The following ZNF34 variants were observed in gnomAD, a reference collection of about 807,000 sequenced individuals.
The protein encoded by ZNF34 is zinc finger protein 34 (KOX 32).
In ZNF34, 8 loss-of-function variants were observed where a neutral mutation model predicts 14.4. The observed-to-expected ratio is 0.55, with a 90% confidence interval of 0.33 to 1.00. ZNF34 has a LOEUF of 1.00. ZNF34 is among the 50% of genes least tolerant of loss of function. The pLI is 0.03. For missense variants in ZNF34, 538 were observed against 674.2 expected, an observed-to-expected ratio of 0.80 and a Z score of 2.24; for synonymous variants, 235 against 247.9, an observed-to-expected ratio of 0.95 and a Z score of 0.49.
In ZNF34 at chr8:144,778,439, C is replaced by A. The variant is rs1825665162; in HGVS notation, c.33G>T (p.Gln11His). The A allele has an allele frequency of 6.4e-7, 1 of 1,572,240 alleles. No individual in the cohort carries two copies. The highest frequency in any genetic ancestry group is 8.6e-7 in the Non-Finnish European group (1 of 1,160,014). Residue 11 changes from glutamine (Q) to histidine (H), a missense_variant and splice_region_variant, in exon 3 of 6, where the codon CAG (glutamine) becomes CAT (histidine). By Grantham distance (24) the Gln-to-His change is conservative (BLOSUM62 0). Transcript: ENST00000429371. ...TCCTCCCAGGAGGACAGACACTCAC[C>A]TGGGGTGGGGCAGACAGGAACAAGG... is the stretch of plus-strand genomic sequence containing the variant. MAALFLSAPP[Q>H]AEVTFEDVAV... is the part of the protein sequence containing the mutation.
intron 1 of ZNF34, among the ~76,000 whole-genome samples, chr8:144,781,353 C>G (rs943061015): frequency 1.1e-4 from 17 of 150,690 alleles, no homozygotes; most frequent in Admixed American, 2.0e-4. Flanking sequence ...ACTGCAAGCT[C>G]TGCCTCCCGG....
chr8:144,775,735 T>C (rs1243607604), intron 5 of ZNF34, among the ~76,000 whole-genome samples: 1 of 152,240 alleles, frequency 6.6e-6, no homozygotes, highest in African/African-American at 2.4e-5. Context: ...GGAAACAGTC[T>C]GTATTTTAAT....
intron 1 of ZNF34, among the ~76,000 whole-genome samples, chr8:144,781,592 TC>T (rs1034003208): frequency 6.6e-6 from 1 of 151,644 alleles, no homozygotes; most frequent in Non-Finnish European, 1.5e-5. Flanking sequence ...AACAAGTGGG[TC>T]AAGTAAACAA....
At chr8:144,774,930 CCA>C (rs1376771895) in intron 5 of ZNF34, among the ~76,000 whole-genome samples, 1 of 152,210 alleles carries the variant, frequency 6.6e-6, no homozygotes, top group Non-Finnish European at 1.5e-5. Context: ...ATACCAGCAG[CCA>C]CAGTCAGGAT....
intron 1 of ZNF34, among the ~76,000 whole-genome samples, chr8:144,781,841 G>A (rs1825906643): frequency 6.6e-6 from 1 of 152,164 alleles, no homozygotes; most frequent in Non-Finnish European, 1.5e-5. Context: ...AGAAAATTGT[G>A]CATCCTTAAT....
intron 5 of ZNF34, among the ~76,000 whole-genome samples, chr8:144,774,935 G>A (rs1331502629): frequency 6.6e-6 from 1 of 152,222 alleles, no homozygotes; most frequent in Non-Finnish European, 1.5e-5. Flanking sequence ...AGCAGCCACA[G>A]TCAGGATTGA....
At position 144,778,131 on chromosome 8, in the gene ZNF34, G is replaced by A. The variant is rs538750561; in HGVS notation, c.67C>T (p.Leu23Phe). 12 of 1,613,842 alleles carry A rather than the reference G, an allele frequency of 7.4e-6. No homozygotes were observed. Among genetic ancestry groups the A allele is most frequent in the South Asian group, 4.4e-5 (4 of 91,078 alleles). ...EVTFEDVAVY[L>F]SREEWGRLGP... ...AGGCGGCCCCATTCCTCCCGGGAGAGGTACACAGCCACGTCCTCGAAGGTC... is the reference window on the plus strand; with the variant it reads ...AGGCGGCCCCATTCCTCCCGGGAGAAGTACACAGCCACGTCCTCGAAGGTC... The change falls in exon 4 of 6, where the codon CTC becomes TTC. Residue 23 changes from leucine to phenylalanine, a missense_variant. Around this residue, in one of 3 missense-constraint regions of ZNF34, gnomAD observed 431 missense variants for 525.7 expected, o/e 0.82. Coordinates refer to ENST00000429371, the MANE Select transcript of ZNF34 (RefSeq NM_001286769.2).
intron 5 of ZNF34, among the ~76,000 whole-genome samples, chr8:144,776,030 A>C (rs1238539315): frequency 6.6e-6 from 1 of 152,234 alleles, no homozygotes; most frequent in Admixed American, 6.5e-5. Flanking sequence ...TCTGTTAAGA[A>C]GCAGTGTCAG....
rs750323793 is a variant in ZNF34 at position 144,773,805 on chromosome 8, G to A, written c.1081C>T (p.Arg361Cys). ...GGCTTCTCTCCGGTGTGAGTCCGACGATGTCGGATAAGGATTGAGCCATCA... is the reference window on the plus strand; with the variant it reads ...GGCTTCTCTCCGGTGTGAGTCCGACAATGTCGGATAAGGATTGAGCCATCA... ...FSDGSILIRH[R>C]RTHTGEKPFE... Residue 361 changes from arginine (R) to cysteine (C), a missense_variant, in exon 6 of 6, where the codon CGT becomes TGT. By Grantham distance (180) the Arg-to-Cys change is radical. Transcript: ENST00000429371. This position sits in a 1 kb window ranked among gnomAD's most constrained non-coding sequence, Gnocchi z 5.4. 58 of 1,614,008 alleles carry A rather than the reference G, an allele frequency of 3.6e-5. No individual in the cohort carries two copies. Among genetic ancestry groups the A allele is most frequent in the Admixed American group, 1.3e-4 (8 of 60,004 alleles).
chr8:144,783,271 G>C (rs1173515409), intron 1 of ZNF34, among the ~76,000 whole-genome samples: 1 of 152,190 alleles, frequency 6.6e-6, no homozygotes, highest in Non-Finnish European at 1.5e-5. Context: ...ATTCAAGTTT[G>C]TGTTCGCAAC....
intron 1 of ZNF34, among the ~76,000 whole-genome samples, chr8:144,781,975 CAGG>C (rs1211628838): frequency 6.6e-6 from 1 of 151,626 alleles, no homozygotes; most frequent in East Asian, 1.9e-4. Context: ...CACTTGAGGT[CAGG>C]AGTTCGAGAC....
chr8:144,785,878 A>G (rs1563795142), intron 1 of ZNF34, among the ~76,000 whole-genome samples: 1 of 152,176 alleles, frequency 6.6e-6, no homozygotes, highest in African/African-American at 2.4e-5. Context: ...GTCCATCAGC[A>G]AAGTCAGAGT....
Position 144,777,358 on chromosome 8 carries a change from G to T in ZNF34, c.280+100C>A, listed in dbSNP as rs935778427. ...TCAGGCCTCCTGTGCTAGCCCCGAT[G>T]AATCTGGCCCACAAACTCCTGATTC... On this transcript the variant is annotated intron_variant, in intron 5 of 5. Transcript: ENST00000429371. The surrounding 1 kb of genome is among the most constrained non-coding windows in gnomAD (Gnocchi z 4.8). 1.4e-6 allele frequency: 2 copies of T among 1,456,412 alleles called. No homozygotes were observed. The highest frequency in any genetic ancestry group is 1.8e-6 in the Non-Finnish European group (2 of 1,090,752). 90.2% of individuals were successfully genotyped at this position (1,456,412 alleles called of 1,614,324 possible). A position where few individuals can be genotyped will look rare whatever the true frequency, so the allele number is the denominator to read the frequency against.
chr8:144,773,047 G>C lies in ZNF34; in HGVS notation c.*219C>G. 4.2e-6 allele frequency: 2 copies of C among 479,630 alleles called. No homozygotes were observed. Among genetic ancestry groups the C allele is most frequent in the South Asian group, 9.6e-5 (2 of 20,766 alleles). The allele number at this position is 479,630 out of a possible 1,614,324, so 29.7% of individuals were successfully genotyped here. ...CAATGAATTTTTTTTCTAAGTGGGAGAGATCACAGAAGCTTCTTTTTTGCC... is the reference window on the plus strand; with the variant it reads ...CAATGAATTTTTTTTCTAAGTGGGACAGATCACAGAAGCTTCTTTTTTGCC... On this transcript the variant is annotated 3_prime_UTR_variant, in exon 6 of 6. Transcript: ENST00000429371. This position sits in a 1 kb window ranked among gnomAD's most constrained non-coding sequence, Gnocchi z 5.4.
At chr8:144,785,106 C>CAAAAAAAAAAAA (rs749277788) in intron 1 of ZNF34, among the ~76,000 whole-genome samples, 1 of 50,070 alleles carries the variant, frequency 2.0e-5, no homozygotes, top group African/African-American at 7.6e-5. Flanking sequence ...CAGACCCTGC[C>CAAAAAAAAAAAA]AAAAAAAAAA....
Position 144,777,114 on chromosome 8 carries a change from T to G in ZNF34, c.280+344A>C, listed in dbSNP as rs531549163. 2.7e-5 allele frequency among the ~76,000 whole-genome samples: 4 copies of G among 149,446 alleles called. No homozygotes were observed. Among genetic ancestry groups the G allele is most frequent in the African/African-American group, 7.3e-5 (3 of 41,292 alleles). ...TAGCTCCATCATTAGGCCCTCATTA[T>G]CTGGCATCAGCTCTGGAGCGCAGGG... On this transcript the variant is annotated intron_variant, in intron 5 of 5. Transcript: ENST00000429371. This position sits in a 1 kb window ranked among gnomAD's most constrained non-coding sequence, Gnocchi z 4.8.
rs1825567662 is a variant in ZNF34 at position 144,777,049 on chromosome 8, T to C, written c.280+409A>G. ...AGGGTGATGTGTAGTCTCTCACTTT[T>C]CCGCAGTGTATTAATTTAGAAGAGA... On this transcript the variant is annotated intron_variant, in intron 5 of 5. Transcript: ENST00000429371. This position sits in a 1 kb window ranked among gnomAD's most constrained non-coding sequence, Gnocchi z 4.8. 1.3e-5 allele frequency among the ~76,000 whole-genome samples: 2 copies of C among 151,994 alleles called. No individual in the cohort carries two copies. The highest frequency in any genetic ancestry group is 2.9e-5 in the Non-Finnish European group (2 of 67,984).
intron 1 of ZNF34, among the ~76,000 whole-genome samples, chr8:144,786,009 G>T (rs1826210636): frequency 2.8e-5 from 4 of 145,156 alleles, no homozygotes; most frequent in Non-Finnish European, 6.0e-5. Context: ...TTTTGAGACG[G>T]AGTCTTGCTC....
Position 144,772,809 on chromosome 8 carries a change from G to C in ZNF34, c.*457C>G, listed in dbSNP as rs939809744. On this transcript the variant is annotated 3_prime_UTR_variant, in exon 6 of 6. Transcript: ENST00000429371. ...CCCACCTTGGCCTCTCAAAATGCTGGTATTACAGGCATGAGCCACCACACC... is the reference window on the plus strand; with the variant it reads ...CCCACCTTGGCCTCTCAAAATGCTGCTATTACAGGCATGAGCCACCACACC... Among the ~76,000 whole-genome samples, 2 of 152,156 alleles carry C rather than the reference G, an allele frequency of 1.3e-5. No homozygotes were observed. The highest frequency in any genetic ancestry group is 2.9e-5 in the Non-Finnish European group (2 of 68,028).
Sources: allele counts gnomAD v4.1 joint callset (sites outside exome capture counted in the v4.1 genomes callset), GRCh38; gene constraint gnomAD v4.1.1; regional missense constraint gnomAD v4.1.1; non-coding constraint Gnocchi (gnomAD v3.1); transcripts MANE v1.5; gene names NCBI Gene and HGNC (gene_info 2026-07-23, HGNC 2026-07-21).